The following LHFPL3 variants were observed in gnomAD, a reference collection of about 807,000 sequenced individuals.
LHFPL3 encodes LHFPL tetraspan subfamily member 3 protein.
Under a neutral mutation model 19.3 loss-of-function variants are expected in LHFPL3, and 5 were observed. That is an observed-to-expected ratio of 0.26 (90% CI 0.14 to 0.54). The LOEUF is 0.54. Among genes scored for constraint, LHFPL3 ranks in the 20% least tolerant of loss-of-function variants. The pLI, the probability that LHFPL3 is intolerant of heterozygous loss-of-function variation, is 0.94. For synonymous variants in LHFPL3, 133 were observed against 126.2 expected (o/e 1.05, Z -0.36); for missense variants, 249 against 307.4 (o/e 0.81, Z 1.42).
intron 1 of LHFPL3, among the ~76,000 whole-genome samples, chr7:104,560,520 G>T (rs1789968238): frequency 6.7e-6 from 1 of 148,924 alleles, no homozygotes; most frequent in Non-Finnish European, 1.5e-5. Flanking sequence ...TGGGATCGGT[G>T]GTGATATCCC....
intron 1 of LHFPL3, among the ~76,000 whole-genome samples, chr7:104,524,631 G>A (rs1264790883): frequency 6.6e-6 from 1 of 152,126 alleles, no homozygotes; most frequent in Admixed American, 6.6e-5. Flanking sequence ...TCACAGTATT[G>A]TTCGAGTCTT....
intron 1 of LHFPL3, among the ~76,000 whole-genome samples, chr7:104,436,025 TA>T (rs1792097378): frequency 6.6e-6 from 1 of 152,104 alleles, no homozygotes; most frequent in Non-Finnish European, 1.5e-5. Flanking sequence ...GTAGTAATAA[TA>T]AAAATATTAG....
chr7:104,708,405 G>A (rs967720038), intron 1 of LHFPL3, among the ~76,000 whole-genome samples: 1 of 152,144 alleles, frequency 6.6e-6, no homozygotes, highest in Admixed American at 6.5e-5. Context: ...GGGAGCTTGA[G>A]TTTGAATCTT....
intron 1 of LHFPL3, among the ~76,000 whole-genome samples, chr7:104,404,012 G>C (rs538663139): frequency 6.6e-6 from 1 of 152,134 alleles, no homozygotes; most frequent in East Asian, 1.9e-4. Context: ...ATTTGTTTAC[G>C]TACTGTCTGT....
At chr7:104,722,481 A>G (rs1793506714) in intron 1 of LHFPL3, among the ~76,000 whole-genome samples, 1 of 152,216 alleles carries the variant, frequency 6.6e-6, no homozygotes, top group South Asian at 2.1e-4. Context: ...TTTAAAGCCA[A>G]AATTTACCAG....
rs145147029 is a variant in LHFPL3, at chr7:104,702,061, G to A, written c.446-34614G>A. ...CCCGTGACAGGCCCCAGTGTGTGAT[G>A]TTCCCCTCCCTGTGTCCATGTATTC... On this transcript the variant is annotated intron_variant, in intron 1 of 2. Transcript: ENST00000424859. Among the ~76,000 whole-genome samples the A allele has an allele frequency of 1.3e-3, 194 of 151,454 alleles. 3 individuals carry two copies. The East Asian group carries it at 0.029, about 23-fold the overall frequency.
chr7:104,879,773 A>T (rs899330987), intron 2 of LHFPL3, among the ~76,000 whole-genome samples: 10 of 152,242 alleles, frequency 6.6e-5, no homozygotes, highest in Non-Finnish European at 1.0e-4. Context: ...TATCCAGAAG[A>T]TCTAGCTAAT....
chr7:104,824,308 TA>T lies in LHFPL3; in HGVS notation c.683-81877del, dbSNP rs1429661005. Among the ~76,000 whole-genome samples, 28 of 34,162 alleles carry T rather than the reference TA, an allele frequency of 8.2e-4. 1 individual carries two copies. The highest frequency in any genetic ancestry group is 5.1e-3 in the East Asian group (4 of 784). The allele number at this position is 34,162 out of a possible 152,430, so 22.4% of individuals were successfully genotyped here. ...TATATAATATATTATATATTATATA[TA>T]ATTATATATATTATTTTATATATAA... On this transcript the variant is annotated intron_variant, in intron 2 of 2. Transcript: ENST00000424859.
At chr7:104,838,816 T>C (rs907481681) in intron 2 of LHFPL3, among the ~76,000 whole-genome samples, 6 of 152,230 alleles carry the variant, frequency 3.9e-5, no homozygotes, top group Non-Finnish European at 7.3e-5. Context: ...GGGACTGCTG[T>C]GTTGGAATGT....
Position 104,621,754 on chromosome 7 carries a change from T to C in LHFPL3, c.446-114921T>C, listed in dbSNP as rs573619047. ...CTCCAACTTCAGTCCTTTCATTTTATTATATGATTGTTGAACAGGAAGAAG... is the reference window on the plus strand; with the variant it reads ...CTCCAACTTCAGTCCTTTCATTTTACTATATGATTGTTGAACAGGAAGAAG... On this transcript the variant is annotated intron_variant, in intron 1 of 2. Coordinates refer to ENST00000424859, the MANE Select transcript of LHFPL3 (RefSeq NM_199000.3). Among the ~76,000 whole-genome samples the C allele has an allele frequency of 6.6e-5, 10 of 152,298 alleles. No homozygotes were observed. In the South Asian group the frequency reaches 2.1e-3, roughly 32 times the overall value.
rs576544074 is a variant in LHFPL3, at chr7:104,625,234, G to A, written c.446-111441G>A. On this transcript the variant is annotated intron_variant, in intron 1 of 2. Coordinates refer to ENST00000424859, the MANE Select transcript of LHFPL3 (RefSeq NM_199000.3). Reference sequence around the variant, plus strand: ...TGAACATGTTGTCCTCCTTCACCAAGCAAAACATGAAAAAAGAAGGTGTCC... The same window carrying A: ...TGAACATGTTGTCCTCCTTCACCAAACAAAACATGAAAAAAGAAGGTGTCC... Among the ~76,000 whole-genome samples the A allele has an allele frequency of 2.0e-5, 3 of 152,214 alleles. No individual in the cohort carries two copies. The South Asian group carries it at 6.2e-4, about 32-fold the overall frequency.
intron 1 of LHFPL3, among the ~76,000 whole-genome samples, chr7:104,675,773 G>A (rs994873773): frequency 6.6e-6 from 1 of 152,200 alleles, no homozygotes; most frequent in Non-Finnish European, 1.5e-5. Flanking sequence ...GACCTGAGAA[G>A]CTAGAAAGAC....
Position 104,357,379 on chromosome 7 carries a change from T to C in LHFPL3, c.445+28155T>C, listed in dbSNP as rs552208490. ...CAGGATACAGATAGAGTCAGGTCTT[T>C]TTCCTCCTCTTAAAGGCAATTAGTA... On this transcript the variant is annotated intron_variant, in intron 1 of 2. Transcript: ENST00000424859. Among the ~76,000 whole-genome samples, 36 of 152,308 alleles carry C rather than the reference T, an allele frequency of 2.4e-4. No individual in the cohort carries two copies. In the South Asian group the frequency reaches 6.6e-3, roughly 28 times the overall value.
intron 2 of LHFPL3, among the ~76,000 whole-genome samples, chr7:104,852,405 G>A (rs1791429536): frequency 6.6e-6 from 1 of 152,190 alleles, no homozygotes; most frequent in Admixed American, 6.5e-5. Flanking sequence ...GGAGGAGGAG[G>A]GCCATGCTGA....
chr7:104,526,788 G>A (rs1397020455), intron 1 of LHFPL3, among the ~76,000 whole-genome samples: 1 of 152,140 alleles, frequency 6.6e-6, no homozygotes, highest in Non-Finnish European at 1.5e-5. Flanking sequence ...TATCAACAGG[G>A]ACAGACACCC....
intron 1 of LHFPL3, among the ~76,000 whole-genome samples, chr7:104,524,684 A>G (rs1197951084): frequency 6.6e-6 from 1 of 152,162 alleles, no homozygotes; most frequent in Non-Finnish European, 1.5e-5. Context: ...TTAATTTTGG[A>G]GCACTAATTA....
intron 1 of LHFPL3, among the ~76,000 whole-genome samples, chr7:104,671,282 G>T (rs1040041842): frequency 3.3e-5 from 5 of 151,648 alleles, no homozygotes; most frequent in African/African-American, 1.2e-4. Context: ...ACTATTGATT[G>T]TAGATAATGA....
chr7:104,764,456 C>G (rs1794423157), intron 2 of LHFPL3, among the ~76,000 whole-genome samples: 1 of 152,198 alleles, frequency 6.6e-6, no homozygotes, highest in Non-Finnish European at 1.5e-5. Flanking sequence ...TAGGCATGAG[C>G]CACCGCACCC....
chr7:104,643,623 G>C (rs761303709), intron 1 of LHFPL3, among the ~76,000 whole-genome samples: 1 of 152,116 alleles, frequency 6.6e-6, no homozygotes, highest in Non-Finnish European at 1.5e-5. Context: ...CTGTGCACTG[G>C]AATCACCCAA....
Sources: allele counts gnomAD v4.1 joint callset (sites outside exome capture counted in the v4.1 genomes callset), GRCh38; gene constraint gnomAD v4.1.1; transcripts MANE v1.5; gene names NCBI Gene and HGNC (gene_info 2026-07-23, HGNC 2026-07-21).